FRMD3: variants seen among roughly 807,000 people sequenced by gnomAD.
FRMD3 encodes the protein FERM domain containing 3.
A neutral mutation model predicts 70.2 loss-of-function variants in FRMD3; 33 were observed. That is an observed-to-expected ratio of 0.47 (90% CI 0.36 to 0.63). FRMD3 has a LOEUF of 0.63. FRMD3 is among the 20% of genes least tolerant of loss of function. The pLI is 0.00. For synonymous variants in FRMD3, 279 were observed against 255.9 expected, an observed-to-expected ratio of 1.09 and a Z score of -0.86; for missense variants, 632 against 711.4, an observed-to-expected ratio of 0.89 and a Z score of 1.27.
chr9:83,550,961 C>A, the FRMD3 span, among the ~76,000 whole-genome samples: 1 of 151,930 alleles, frequency 6.6e-6, no homozygotes, highest in Non-Finnish European at 1.5e-5. Context: ...ATTTGTACAC[C>A]CTTTATTTCT....
chr9:83,486,312 G>A lies in FRMD3; in HGVS notation c.147+51773C>T, dbSNP rs78909894. On this transcript the variant is annotated intron_variant, in intron 1 of 13. Coordinates refer to ENST00000304195, the MANE Select transcript of FRMD3 (RefSeq NM_174938.6). ...AGCTGTCCACATTACAATCACCTAG[G>A]ACTTGACCACCAGGGCCTCCATAGC... Among the ~76,000 whole-genome samples the A allele has an allele frequency of 5.2e-3, 784 of 152,104 alleles. 8 individuals are homozygous for A. Among genetic ancestry groups the A allele is most frequent in the African/African-American group, 0.018 (755 of 41,502 alleles).
chr9:83,516,042 T>G (rs1439609929), intron 1 of FRMD3, among the ~76,000 whole-genome samples: 1 of 152,132 alleles, frequency 6.6e-6, no homozygotes, highest in Admixed American at 6.5e-5. Context: ...CCATTGATAC[T>G]ATGAAGAAAC....
At position 83,266,651 on chromosome 9, in the gene FRMD3, G is replaced by A. The variant is rs533684557; in HGVS notation, c.1196-18135C>T. Among the ~76,000 whole-genome samples the A allele has an allele frequency of 1.8e-4, 28 of 152,268 alleles. 1 individual carries two copies. Among genetic ancestry groups the A allele is most frequent in the East Asian group, 1.9e-4 (1 of 5,180 alleles). ...ACCCTTTCAACAATGAAAGGAGGGG[G>A]AGCGTGTTGTGATCATCCATTCTGC... On this transcript the variant is annotated intron_variant, in intron 13 of 13. Transcript: ENST00000304195.
chr9:83,275,993 T>TTA (rs1833783055), intron 13 of FRMD3: 1 of 152,240 alleles, frequency 6.6e-6, no homozygotes, highest in Non-Finnish European at 1.5e-5. Flanking sequence ...GAGGCACAAT[T>TTA]ATTGGCTAAT....
downstream of FRMD3, chr9:83,243,257 A>T: frequency 6.5e-7 from 1 of 1,544,844 alleles, no homozygotes; most frequent in South Asian, 1.2e-5. Flanking sequence ...GGAGAGAGGG[A>T]GAGAGAAAAG....
At chr9:83,502,789 A>G (rs1414779431) in intron 1 of FRMD3, among the ~76,000 whole-genome samples, 1 of 152,216 alleles carries the variant, frequency 6.6e-6, no homozygotes, top group Non-Finnish European at 1.5e-5. Flanking sequence ...ATATTGATAT[A>G]AAAGGCCATC....
At chr9:83,553,083 G>C in the FRMD3 span, among the ~76,000 whole-genome samples, 1 of 151,970 alleles carries the variant, frequency 6.6e-6, no homozygotes, top group African/African-American at 2.4e-5. Flanking sequence ...AGTTACTCTG[G>C]TCTGTATGTT....
chr9:83,499,855 C>T (rs1420477439), intron 1 of FRMD3, among the ~76,000 whole-genome samples: 2 of 152,110 alleles, frequency 1.3e-5, no homozygotes, highest in Non-Finnish European at 2.9e-5. Context: ...ATGAAGCTGT[C>T]CTTTAATAGG....
chr9:83,270,232 G>A (rs187229817), intron 13 of FRMD3, among the ~76,000 whole-genome samples: 86 of 152,366 alleles, frequency 5.6e-4, no homozygotes, highest in Non-Finnish European at 1.0e-3. Flanking sequence ...AAAGAAAGCA[G>A]AAGATGTGTG....
intron 1 of FRMD3, among the ~76,000 whole-genome samples, chr9:83,480,646 C>T (rs1158437625): frequency 2.0e-5 from 3 of 152,118 alleles, no homozygotes; most frequent in African/African-American, 7.2e-5. Flanking sequence ...CAGGCACCTG[C>T]CACCACACCC....
intron 12 of FRMD3, among the ~76,000 whole-genome samples, chr9:83,293,356 C>T (rs1029166311): frequency 6.6e-6 from 1 of 152,168 alleles, no homozygotes; most frequent in Non-Finnish European, 1.5e-5. Flanking sequence ...GTGTAGCTTT[C>T]TGACCTCTGA....
chr9:83,339,417 TGGAGG>T (rs1823683886), intron 5 of FRMD3, among the ~76,000 whole-genome samples: 2 of 152,198 alleles, frequency 1.3e-5, no homozygotes, highest in Admixed American at 1.3e-4. Flanking sequence ...GACATACAAC[TGGAGG>T]CCCTGCGGTT....
intron 1 of FRMD3, among the ~76,000 whole-genome samples, chr9:83,450,676 G>A (rs1317658935): frequency 6.6e-6 from 1 of 152,216 alleles, no homozygotes; most frequent in Admixed American, 6.5e-5. Flanking sequence ...ACTCCAGGAA[G>A]ATGGCAGGGC....
the FRMD3 span, among the ~76,000 whole-genome samples, chr9:83,579,688 A>C: frequency 6.6e-6 from 1 of 152,116 alleles, no homozygotes; most frequent in African/African-American, 2.4e-5. Context: ...TACTAGACAA[A>C]AGCATAGGCA....
chr9:83,356,555 G>A (rs975446231), intron 3 of FRMD3, among the ~76,000 whole-genome samples: 3 of 151,210 alleles, frequency 2.0e-5, no homozygotes, highest in African/African-American at 7.3e-5. Context: ...GGATTACAGG[G>A]GTGAGCCACC....
chr9:83,389,638 A>C lies in FRMD3; in HGVS notation c.218T>G (p.Phe73Cys). ...NYYSLLEKDY[F>C]GIRYVDPEKQ... is the part of the protein sequence containing the mutation. ...CTCTGGGTCCACATAGCGAATGCCAAAGTAGTCCTTCTCCAGCAGGCTGTA... is the reference window on the plus strand; with the variant it reads ...CTCTGGGTCCACATAGCGAATGCCACAGTAGTCCTTCTCCAGCAGGCTGTA... Residue 73 changes from phenylalanine to cysteine, a missense_variant, in exon 2 of 14, where the codon TTT (phenylalanine) becomes TGT (cysteine). Around this residue, in one of 3 missense-constraint regions of FRMD3, gnomAD observed 208 missense variants for 247.7 expected, o/e 0.84. Transcript: ENST00000304195. The C allele has an allele frequency of 6.2e-7, 1 of 1,613,932 alleles. No individual in the cohort carries two copies. The highest frequency in any genetic ancestry group is 8.5e-7 in the Non-Finnish European group (1 of 1,179,872).
chr9:83,504,721 A>T (rs1829145613), intron 1 of FRMD3, among the ~76,000 whole-genome samples: 1 of 151,956 alleles, frequency 6.6e-6, no homozygotes, highest in Non-Finnish European at 1.5e-5. Flanking sequence ...CCCCTTACTC[A>T]ACTTTATTTT....
Position 83,499,306 on chromosome 9 carries a change from G to A in FRMD3, c.147+38779C>T, listed in dbSNP as rs116024051. On this transcript the variant is annotated intron_variant, in intron 1 of 13. Coordinates refer to ENST00000304195, the MANE Select transcript of FRMD3 (RefSeq NM_174938.6). ...TCCAACAGGGCCAGTGCTTTCAAAC[G>A]GAGGAGCTGTGAAGGAGAGGCTGTA... 3.1e-3 allele frequency among the ~76,000 whole-genome samples: 468 copies of A among 152,268 alleles called. 3 individuals carry two copies. The highest frequency in any genetic ancestry group is 0.01 in the African/African-American group (427 of 41,568).
intron 1 of FRMD3, among the ~76,000 whole-genome samples, chr9:83,510,739 A>G (rs112013195): frequency 0.014 from 2,062 of 152,334 alleles, 57 homozygotes; most frequent in African/African-American, 0.047. Context: ...TGAAAATCCT[A>G]TGCTAAATGG....
Sources: allele counts gnomAD v4.1 joint callset (sites outside exome capture counted in the v4.1 genomes callset), GRCh38; gene constraint gnomAD v4.1.1; regional missense constraint gnomAD v4.1.1; transcripts MANE v1.5; gene names NCBI Gene and HGNC (gene_info 2026-07-23, HGNC 2026-07-21).